KCNQ5: variants seen among roughly 807,000 people sequenced by gnomAD.
The protein encoded by KCNQ5 is potassium voltage-gated channel subfamily Q member 5, also known as potassium voltage-gated channel subfamily KQT member 5.
Under a neutral mutation model 98.2 loss-of-function variants are expected in KCNQ5, and 30 were observed. That is an observed-to-expected ratio of 0.31 (90% CI 0.23 to 0.41). The LOEUF (loss-of-function observed/expected upper bound fraction) is 0.41. Among genes scored for constraint, KCNQ5 ranks in the 10% least tolerant of loss-of-function variants. KCNQ5 has a pLI of 1.00. For missense variants in KCNQ5, 835 were observed against 1,182.5 expected (o/e 0.71, Z 4.31); for synonymous variants, 458 against 449.4 (o/e 1.02, Z -0.24).
At chr6:72,811,328 CCT>C (rs1176159350) in intron 1 of KCNQ5, among the ~76,000 whole-genome samples, 1 of 152,104 alleles carries the variant, frequency 6.6e-6, no homozygotes, top group Non-Finnish European at 1.5e-5. Context: ...GCTCAGGCTT[CCT>C]GAATCTAAGG....
intron 11 of KCNQ5, among the ~76,000 whole-genome samples, chr6:73,181,455 G>A (rs1250132665): frequency 1.3e-5 from 2 of 152,172 alleles, no homozygotes; most frequent in East Asian, 3.9e-4. Context: ...GAATATTCAT[G>A]AAAGAAAGGA....
intron 1 of KCNQ5, among the ~76,000 whole-genome samples, chr6:72,838,508 T>C (rs1264960814): frequency 1.3e-5 from 2 of 152,190 alleles, no homozygotes; most frequent in Non-Finnish European, 2.9e-5. Context: ...TGTTTATATA[T>C]TTTGTATCAT....
chr6:73,043,697 G>T (rs1366807172), intron 3 of KCNQ5, among the ~76,000 whole-genome samples: 1 of 152,150 alleles, frequency 6.6e-6, no homozygotes, highest in Non-Finnish European at 1.5e-5. Context: ...ATGGATGACT[G>T]GAAAAATGTT....
intron 10 of KCNQ5, among the ~76,000 whole-genome samples, chr6:73,153,724 C>G (rs1045916237): frequency 1.3e-5 from 2 of 151,876 alleles, no homozygotes; most frequent in African/African-American, 4.8e-5. Flanking sequence ...TCCTCTAATA[C>G]TGCATTTGAA....
In KCNQ5 at chr6:73,143,274, A is replaced by G. The variant is rs77087590; in HGVS notation, c.1468+9633A>G. On this transcript the variant is annotated intron_variant, in intron 10 of 13. Coordinates refer to ENST00000370398, the MANE Select transcript of KCNQ5 (RefSeq NM_019842.4). Reference sequence around the variant, plus strand: ...AAACCTCTAAGAAATTTTCTTCCAAATCTGAGTTTTTATAATCTGCTCTTC... The same window carrying G: ...AAACCTCTAAGAAATTTTCTTCCAAGTCTGAGTTTTTATAATCTGCTCTTC... 7.1e-3 allele frequency among the ~76,000 whole-genome samples: 1,086 copies of G among 152,286 alleles called. 11 individuals carry two copies. The highest frequency in any genetic ancestry group is 0.024 in the African/African-American group (1,014 of 41,560).
intron 1 of KCNQ5, among the ~76,000 whole-genome samples, chr6:72,707,826 A>T (rs578007592): frequency 6.6e-6 from 1 of 152,102 alleles, no homozygotes; most frequent in Non-Finnish European, 1.5e-5. Flanking sequence ...AGACCCTCCT[A>T]CATCAGCCTT....
chr6:72,962,725 T>A (rs1317141667), intron 1 of KCNQ5, among the ~76,000 whole-genome samples: 1 of 152,100 alleles, frequency 6.6e-6, no homozygotes, highest in Non-Finnish European at 1.5e-5. Context: ...CCAGAGAGAC[T>A]AATAGGGAAC....
chr6:73,155,516 T>C (rs1167520397), intron 10 of KCNQ5, among the ~76,000 whole-genome samples: 1 of 152,194 alleles, frequency 6.6e-6, no homozygotes, highest in African/African-American at 2.4e-5. Context: ...TTGGTGTGGC[T>C]GGAGAATGGG....
intron 3 of KCNQ5, among the ~76,000 whole-genome samples, chr6:73,072,414 C>T (rs959154756): frequency 5.9e-5 from 9 of 152,158 alleles, no homozygotes; most frequent in African/African-American, 2.2e-4. Context: ...ATTGTAGCAA[C>T]AAAACACAGT....
chr6:72,861,853 C>A (rs985501145), intron 1 of KCNQ5, among the ~76,000 whole-genome samples: 2 of 151,832 alleles, frequency 1.3e-5, no homozygotes, highest in Non-Finnish European at 1.5e-5. Context: ...GGATCCACCC[C>A]CAGCTGTCAA....
At chr6:73,072,808 A>G (rs1406022516) in intron 3 of KCNQ5, among the ~76,000 whole-genome samples, 1 of 152,166 alleles carries the variant, frequency 6.6e-6, no homozygotes, top group African/African-American at 2.4e-5. Context: ...GGCTGCTTAT[A>G]ATCAATAGCT....
intron 1 of KCNQ5, among the ~76,000 whole-genome samples, chr6:72,717,088 C>A (rs1193109318): frequency 6.6e-6 from 1 of 152,068 alleles, no homozygotes; most frequent in Admixed American, 6.6e-5. Flanking sequence ...GTCATAATCC[C>A]CATGTAGTGG....
chr6:73,184,348 T>C (rs1217129384), intron 11 of KCNQ5, among the ~76,000 whole-genome samples: 1 of 152,242 alleles, frequency 6.6e-6, no homozygotes, highest in East Asian at 1.9e-4. Context: ...TGAGTGAACA[T>C]TTCTTTTACT....
rs1281111646 is a variant in KCNQ5 at position 72,910,789 on chromosome 6, A to G, written c.399-93119A>G. 2.0e-5 allele frequency among the ~76,000 whole-genome samples: 3 copies of G among 152,196 alleles called. No homozygotes were observed. The East Asian group carries it at 5.8e-4, about 29-fold the overall frequency. ...AGTGAACATAGGTATCAATTTATAT[A>G]TAAAGAGGGAAGCATGAATCTGACT... On this transcript the variant is annotated intron_variant, in intron 1 of 13. Transcript: ENST00000370398.
At chr6:72,973,369 T>C (rs1348674105) in intron 1 of KCNQ5, among the ~76,000 whole-genome samples, 2 of 152,176 alleles carry the variant, frequency 1.3e-5, no homozygotes, top group African/African-American at 2.4e-5. Context: ...ACAATACTTT[T>C]TTAGAGATGC....
At chr6:72,807,130 A>G (rs1465508394) in intron 1 of KCNQ5, among the ~76,000 whole-genome samples, 1 of 151,994 alleles carries the variant, frequency 6.6e-6, no homozygotes, top group Non-Finnish European at 1.5e-5. Flanking sequence ...AATTTAGTTG[A>G]CTTATTTAAT....
intron 1 of KCNQ5, among the ~76,000 whole-genome samples, chr6:72,825,907 T>C (rs538633181): frequency 7.2e-5 from 11 of 152,138 alleles, no homozygotes; most frequent in Non-Finnish European, 1.6e-4. Context: ...TTTAATCAGA[T>C]TAAATATAGG....
At chr6:72,690,934 T>G (rs1366808159) in intron 1 of KCNQ5, among the ~76,000 whole-genome samples, 1 of 152,122 alleles carries the variant, frequency 6.6e-6, no homozygotes, top group Non-Finnish European at 1.5e-5. Flanking sequence ...TCTTATGTTT[T>G]CCTTAATATT....
chr6:73,120,343 C>T, intron 7 of KCNQ5, 140 bp from the exon 8 acceptor site: 1 of 463,780 alleles, frequency 2.2e-6, no homozygotes, highest in East Asian at 3.4e-5. Flanking sequence ...AGCCTTCTTC[C>T]TCCTTTGGGT....
Sources: allele counts gnomAD v4.1 joint callset (sites outside exome capture counted in the v4.1 genomes callset), GRCh38; gene constraint gnomAD v4.1.1; transcripts MANE v1.5; gene names NCBI Gene and HGNC (gene_info 2026-07-23, HGNC 2026-07-21).